Variants in FOCAD observed in about 807,000 individuals in gnomAD.
FOCAD encodes focadhesin, also known as KIAA1797.
In FOCAD, 198 loss-of-function variants were observed where a neutral mutation model predicts 225.6. The ratio of observed to expected loss-of-function variants is 0.88; its 90% CI spans 0.78 to 0.99. The LOEUF is 0.99. Ranked by LOEUF, FOCAD falls within the 50% of genes least tolerant of loss-of-function variation. The probability of loss-of-function intolerance (pLI) is 0.00; values close to 1 mark genes in which losing one functional copy is unlikely to be tolerated. For synonymous variants in FOCAD, 897 were observed against 755.0 expected, an observed-to-expected ratio of 1.19 and a Z score of -3.08; for missense variants, 2,713 against 2,123.6, an observed-to-expected ratio of 1.28 and a Z score of -5.46.
intron 7 of FOCAD, 75 bp from the exon 8 acceptor site, chr9:20,769,957 A>G: frequency 2.9e-6 from 4 of 1,368,550 alleles, no homozygotes; most frequent in Non-Finnish European, 4.1e-6. Flanking sequence ...ACATTGTTCA[A>G]AGCTTTTTGT....
intron 11 of FOCAD, among the ~76,000 whole-genome samples, chr9:20,801,634 C>A (rs756819346): frequency 6.6e-6 from 1 of 152,104 alleles, no homozygotes; most frequent in Non-Finnish European, 1.5e-5. Context: ...CCTTGAGTAT[C>A]ATTTTTGAGC....
chr9:20,660,422 T>C (rs1821680642), intron 2 of FOCAD, among the ~76,000 whole-genome samples: 1 of 152,232 alleles, frequency 6.6e-6, no homozygotes, highest in Non-Finnish European at 1.5e-5. Flanking sequence ...AGTCTGGTTT[T>C]AGGGCATGTA....
In FOCAD at chr9:20,838,523, G is replaced by C. The variant is rs1168373308; in HGVS notation, c.1920+15408G>C. The stretch of plus-strand genomic sequence containing the variant: ...TTTGATCTGAAATGGTAGAATAACA[G>C]GTCAAACAAAGTGATGTCATTGACC... On this transcript the variant is annotated intron_variant, in intron 15 of 43. Coordinates refer to ENST00000338382, the MANE Select transcript of FOCAD (RefSeq NM_001375567.1). 3.9e-5 allele frequency among the ~76,000 whole-genome samples: 6 copies of C among 152,162 alleles called. No individual in the cohort carries two copies. In the East Asian group the frequency reaches 1.2e-3, roughly 29 times the overall value.
intron 7 of FOCAD, among the ~76,000 whole-genome samples, chr9:20,765,360 G>A (rs551584927): frequency 3.3e-5 from 5 of 152,130 alleles, no homozygotes; most frequent in East Asian, 3.9e-4. Context: ...CAGTTATCAG[G>A]TAAAAGATTT....
chr9:20,860,157 A>G (rs560435380), intron 15 of FOCAD, among the ~76,000 whole-genome samples: 3 of 152,328 alleles, frequency 2.0e-5, no homozygotes, highest in African/African-American at 7.2e-5. Flanking sequence ...TCTTGCTTAT[A>G]TAACTATAAT....
intron 28 of FOCAD, among the ~76,000 whole-genome samples, chr9:20,933,699 A>T (rs1435827599): frequency 1.3e-5 from 2 of 152,146 alleles, no homozygotes; most frequent in African/African-American, 2.4e-5. Context: ...ACTTTTTTGT[A>T]TAATGACTTC....
chr9:20,776,408 G>C (rs976686080), intron 8 of FOCAD, among the ~76,000 whole-genome samples: 3 of 152,242 alleles, frequency 2.0e-5, no homozygotes, highest in African/African-American at 7.2e-5. Flanking sequence ...TCTGACACAG[G>C]GTTTTATTAA....
intron 22 of FOCAD, among the ~76,000 whole-genome samples, chr9:20,909,155 T>G (rs149982182): frequency 6.6e-6 from 1 of 152,242 alleles, no homozygotes; most frequent in East Asian, 1.9e-4. Flanking sequence ...AAGCCATGAA[T>G]TTTTAAATAA....
At chr9:20,662,578 C>A (rs190810054) in intron 2 of FOCAD, among the ~76,000 whole-genome samples, 24 of 152,302 alleles carry the variant, frequency 1.6e-4, no homozygotes, top group African/African-American at 5.1e-4. Context: ...TTCCTCTCCC[C>A]ACTCCCCAAC....
At chr9:20,869,354 T>C (rs1419205747) in intron 18 of FOCAD, among the ~76,000 whole-genome samples, 1 of 152,156 alleles carries the variant, frequency 6.6e-6, no homozygotes, top group Non-Finnish European at 1.5e-5. Context: ...AATATATATA[T>C]ATAAGATATC....
At chr9:20,931,462 T>C (rs1192607131) in intron 27 of FOCAD, among the ~76,000 whole-genome samples, 3 of 152,210 alleles carry the variant, frequency 2.0e-5, no homozygotes, top group African/African-American at 4.8e-5. Context: ...CTTTTGATAC[T>C]AATAAATTTT....
intron 24 of FOCAD, among the ~76,000 whole-genome samples, chr9:20,921,315 A>C (rs1043253384): frequency 2.6e-5 from 4 of 152,168 alleles, no homozygotes; most frequent in Non-Finnish European, 5.9e-5. Flanking sequence ...TTTTGTTTTA[A>C]AGGACAATTT....
intron 4 of FOCAD, among the ~76,000 whole-genome samples, chr9:20,727,478 G>A (rs141433691): frequency 6.6e-6 from 1 of 152,178 alleles, no homozygotes; most frequent in Non-Finnish European, 1.5e-5. Flanking sequence ...TGAGTGCACA[G>A]AACTTTGTTA....
chr9:20,776,124 C>T (rs899817651), intron 8 of FOCAD, among the ~76,000 whole-genome samples: 5 of 152,142 alleles, frequency 3.3e-5, no homozygotes, highest in African/African-American at 1.2e-4. Context: ...TAGGCTACTG[C>T]TACTAGTTGC....
intron 28 of FOCAD, among the ~76,000 whole-genome samples, chr9:20,934,681 C>T (rs562681975): frequency 3.3e-5 from 5 of 152,180 alleles, no homozygotes; most frequent in African/African-American, 1.2e-4. Context: ...TGTGATGCCT[C>T]CAGATTTGTT....
chr9:20,975,066 C>G (rs1275099500), intron 35 of FOCAD, among the ~76,000 whole-genome samples: 2 of 152,084 alleles, frequency 1.3e-5, no homozygotes, highest in Non-Finnish European at 2.9e-5. Context: ...TTTCCTACCT[C>G]TACTTTTCCT....
chr9:20,668,053 A>G (rs1045259539), intron 2 of FOCAD, among the ~76,000 whole-genome samples: 2 of 152,258 alleles, frequency 1.3e-5, no homozygotes, highest in African/African-American at 2.4e-5. Flanking sequence ...TGAATGAAAT[A>G]CAATTTAATT....
At chr9:20,858,513 C>CA (rs1828438597) in intron 15 of FOCAD, among the ~76,000 whole-genome samples, 1 of 151,810 alleles carries the variant, frequency 6.6e-6, no homozygotes, top group South Asian at 2.1e-4. Context: ...TTAGTCTGGC[C>CA]AAAGGTTTGT....
chr9:20,734,745 A>G (rs1025804829), intron 4 of FOCAD, among the ~76,000 whole-genome samples: 1 of 152,036 alleles, frequency 6.6e-6, no homozygotes, highest in Non-Finnish European at 1.5e-5. Context: ...CCTGGGCTCA[A>G]GTGATCCTCC....
Sources: allele counts gnomAD v4.1 joint callset (sites outside exome capture counted in the v4.1 genomes callset), GRCh38; gene constraint gnomAD v4.1.1; transcripts MANE v1.5; gene names NCBI Gene and HGNC (gene_info 2026-07-23, HGNC 2026-07-21).